The following KIF13B variants were observed in gnomAD, a reference collection of about 807,000 sequenced individuals.
KIF13B encodes kinesin-like protein KIF13B.
KIF13B carries 127 observed loss-of-function variants against 222.0 expected under a neutral mutation model. That is an observed-to-expected ratio of 0.57 (90% CI 0.50 to 0.66). The LOEUF (loss-of-function observed/expected upper bound fraction) is 0.66. KIF13B is among the 30% of genes least tolerant of loss of function. The pLI, the probability that KIF13B is intolerant of heterozygous loss-of-function variation, is 0.00. For synonymous variants in KIF13B, 976 were observed against 919.0 expected (o/e 1.06, Z -1.12); for missense variants, 2,173 against 2,379.0 (o/e 0.91, Z 1.80).
chr8:29,239,650 G>GC (rs1554623941), intron 2 of KIF13B, among the ~76,000 whole-genome samples: 1 of 151,756 alleles, frequency 6.6e-6, no homozygotes, highest in Non-Finnish European at 1.5e-5. Flanking sequence ...ATATACCCTT[G>GC]TTTTTTTTGT....
intron 2 of KIF13B, among the ~76,000 whole-genome samples, chr8:29,209,607 C>T (rs1371720146): frequency 6.6e-6 from 1 of 152,176 alleles, no homozygotes; most frequent in Non-Finnish European, 1.5e-5. Context: ...TGTGACTAAG[C>T]ATATCTGTGT....
intron 37 of KIF13B, among the ~76,000 whole-genome samples, chr8:29,086,793 C>T (rs1808065297): frequency 6.6e-6 from 1 of 152,162 alleles, no homozygotes; most frequent in Non-Finnish European, 1.5e-5. Context: ...TATGAATGGG[C>T]CTGTATTTTT....
intron 10 of KIF13B, among the ~76,000 whole-genome samples, chr8:29,171,861 G>A (rs954699241): frequency 5.0e-5 from 7 of 139,918 alleles, no homozygotes; most frequent in African/African-American, 1.9e-4. Flanking sequence ...GGGTACAATC[G>A]ATTCTCCTGC....
At chr8:29,231,445 C>T (rs1815281956) in intron 2 of KIF13B, among the ~76,000 whole-genome samples, 1 of 152,186 alleles carries the variant, frequency 6.6e-6, no homozygotes, top group Non-Finnish European at 1.5e-5. Context: ...GGGCAGGTGG[C>T]AAGTGTGGCC....
rs1370042325 is a variant in KIF13B, at chr8:29,078,314, G to A, written c.4459-2971C>T. On this transcript the variant is annotated intron_variant, in intron 37 of 39. Transcript: ENST00000524189. ...ACTCCATCTCAAAAAAAAAAAAAAA[G>A]AGAGAGGATTCAGAGGAGGAAAGGG... Among the ~76,000 whole-genome samples, 57 of 141,402 alleles carry A rather than the reference G, an allele frequency of 4.0e-4. 2 individuals carry two copies. Among genetic ancestry groups the A allele is most frequent in the African/African-American group, 1.4e-3 (51 of 36,878 alleles). The allele number at this position is 141,402 out of a possible 152,430, so 92.8% of individuals were successfully genotyped here. A position where few individuals can be genotyped will look rare whatever the true frequency, so the allele number is the denominator to read the frequency against.
At chr8:29,086,843 T>G (rs1432630135) in intron 37 of KIF13B, among the ~76,000 whole-genome samples, 1 of 152,252 alleles carries the variant, frequency 6.6e-6, no homozygotes, top group African/African-American at 2.4e-5. Context: ...TTTAAATATC[T>G]GATACTGCTT....
At chr8:29,219,593 C>T (rs1814650539) in intron 2 of KIF13B, 1 of 151,716 alleles carries the variant, frequency 6.6e-6, no homozygotes, top group South Asian at 2.1e-4. Context: ...CCCATCTCTA[C>T]AAAAAATACA....
intron 29 of KIF13B, among the ~76,000 whole-genome samples, chr8:29,122,054 A>G (rs1249176722): frequency 2.0e-5 from 3 of 152,098 alleles, no homozygotes; most frequent in South Asian, 2.1e-4. Context: ...GGAGATCGAG[A>G]CCATCCTGGC....
At chr8:29,225,982 CA>C (rs1815002928) in intron 2 of KIF13B, among the ~76,000 whole-genome samples, 1 of 152,344 alleles carries the variant, frequency 6.6e-6, no homozygotes, top group East Asian at 1.9e-4. Flanking sequence ...GACTGCCTGG[CA>C]TATAAGTAAC....
rs1300660537 is a variant in KIF13B at position 29,070,589 on chromosome 8, G to T, written c.5396C>A (p.Thr1799Asn). The T allele has an allele frequency of 3.1e-6, 5 of 1,599,670 alleles. No individual in the cohort carries two copies. In the African/African-American group the frequency reaches 6.7e-5, roughly 21 times the overall value. Residue 1799 changes from threonine (T) to asparagine (N), a missense_variant, in exon 40 of 40, where the codon ACC becomes AAC. Transcript: ENST00000524189. The surrounding 1 kb of genome is among the most constrained non-coding windows in gnomAD (Gnocchi z 4.1). The part of the protein sequence containing the change: ...RRSATLSGSA[T>N]NLASLTAALA... ...GGCAGCTGTCAGCGAGGCCAGGTTG[G>T]TGGCGGAGCCCGAGAGGGTGGCGCT... is the stretch of plus-strand genomic sequence containing the variant.
intron 18 of KIF13B, 27 bp downstream of exon 18, chr8:29,146,351 G>GT (rs1811058785): frequency 2.5e-6 from 4 of 1,611,970 alleles, no homozygotes; most frequent in Non-Finnish European, 2.5e-6. Context: ...TGAGATCTTT[G>GT]TTTTTTTCAA....
chr8:29,199,081 A>ATTTTTTTTTTT (rs1435870446), intron 2 of KIF13B, among the ~76,000 whole-genome samples: 15 of 151,556 alleles, frequency 9.9e-5, no homozygotes, highest in Middle Eastern at 3.4e-3. Flanking sequence ...AAAAAAATAA[A>ATTTTTTTTTTT]ATTTTTTAAA....
intron 35 of KIF13B, among the ~76,000 whole-genome samples, chr8:29,101,211 T>C (rs749775059): frequency 3.9e-5 from 6 of 152,194 alleles, no homozygotes; most frequent in Admixed American, 1.3e-4. Context: ...CCCGGGGATA[T>C]CACCATCAGG....
chr8:29,199,109 C>T lies in KIF13B; in HGVS notation c.150-2910G>A, dbSNP rs950288449. ...TTTTTAAAAAATAGAAAAATGTTTTCGAAAATTAAAAAAAAAAGACTTCTG... is the reference window on the plus strand; with the variant it reads ...TTTTTAAAAAATAGAAAAATGTTTTTGAAAATTAAAAAAAAAAGACTTCTG... On this transcript the variant is annotated intron_variant, in intron 2 of 39. Transcript: ENST00000524189. Among the ~76,000 whole-genome samples the T allele has an allele frequency of 1.2e-4, 17 of 142,152 alleles. 1 individual carries two copies. The highest frequency in any genetic ancestry group is 4.9e-4 in the African/African-American group (17 of 34,998). 93.3% of individuals were successfully genotyped at this position (142,152 alleles called of 152,430 possible). A position where few individuals can be genotyped will look rare whatever the true frequency, so the allele number is the denominator to read the frequency against.
Position 29,072,002 on chromosome 8 carries a change from CGGTGGGG to C in KIF13B, c.4829_4835del (p.Pro1610ArgfsTer17), listed in dbSNP as rs1807310996. ...GCTCCTCGGCGGGGACGGCCGTGGGCGGTGGGGGGTGGCTGATGGGCGCCTCGGGCTC... is the reference window on the plus strand; with the variant it reads ...GCTCCTCGGCGGGGACGGCCGTGGGCGGTGGCTGATGGGCGCCTCGGGCTC... On this transcript the variant is annotated frameshift_variant, in exon 39 of 40. Transcript: ENST00000524189. LOFTEE classifies it high-confidence loss of function. 7.7e-7 allele frequency: 1 copy of C among 1,291,238 alleles called. No homozygotes were observed. Among genetic ancestry groups the C allele is most frequent in the Non-Finnish European group, 9.8e-7 (1 of 1,022,076 alleles). The allele number at this position is 1,291,238 out of a possible 1,614,324, so 80.0% of individuals were successfully genotyped here.
At chr8:29,083,618 C>T (rs28703686) in intron 37 of KIF13B, among the ~76,000 whole-genome samples, 19,031 of 152,152 alleles carry the variant, frequency 0.13, 1,253 homozygotes, top group African/African-American at 0.16. Context: ...ATTTATGGGG[C>T]AAGGCTAGAC....
At chr8:29,130,387 TG>T in intron 24 of KIF13B, 145 bp downstream of exon 24, 1 of 840,926 alleles carries the variant, frequency 1.2e-6, no homozygotes, top group South Asian at 1.6e-5. Flanking sequence ...TAGCAATACT[TG>T]TGACATGAGA....
chr8:29,182,081 A>C, intron 6 of KIF13B, 75 bp from the exon 7 acceptor site: 1 of 1,102,248 alleles, frequency 9.1e-7, no homozygotes. Flanking sequence ...TGCTCCATAA[A>C]AATATACAAT....
intron 16 of KIF13B, 27 bp from the exon 17 acceptor site, chr8:29,147,629 T>A: frequency 6.7e-7 from 1 of 1,493,816 alleles, no homozygotes. Context: ...AAAAGATACA[T>A]GATCGAGAGT....
Sources: gnomAD v4.1 joint callset for allele counts (sites outside exome capture counted in the v4.1 genomes callset) on GRCh38, gnomAD v4.1.1 for gene constraint, Gnocchi (gnomAD v3.1) non-coding constraint, MANE v1.5 for transcripts, NCBI Gene and HGNC (gene_info 2026-07-23, HGNC 2026-07-21) for gene names.